KHDRBS3: variants seen among roughly 807,000 people sequenced by gnomAD.
The protein encoded by KHDRBS3 is KH RNA binding domain containing, signal transduction associated 3, also known as KH domain-containing, RNA-binding, signal transduction-associated protein 3.
In KHDRBS3, 23 loss-of-function variants were observed where a neutral mutation model predicts 45.6. The observed-to-expected ratio is 0.50, with a 90% CI of 0.36 to 0.72. KHDRBS3 has a LOEUF of 0.72. Among genes scored for constraint, KHDRBS3 ranks in the 30% least tolerant of loss-of-function variants. The probability of loss-of-function intolerance (pLI) is 0.00; values close to 1 mark genes in which losing one functional copy is unlikely to be tolerated. For missense variants in KHDRBS3, 352 were observed against 424.8 expected (o/e 0.83, Z 1.51); for synonymous variants, 162 against 156.5 (o/e 1.04, Z -0.26).
chr8:135,654,520 C>G (rs1831493065), intron 4 of KHDRBS3, among the ~76,000 whole-genome samples: 2 of 152,196 alleles, frequency 1.3e-5, no homozygotes, highest in African/African-American at 4.8e-5. Flanking sequence ...TTATACACAG[C>G]ATGGCGTCTG....
chr8:135,483,002 T>A (rs987818008), intron 1 of KHDRBS3, among the ~76,000 whole-genome samples: 21 of 152,220 alleles, frequency 1.4e-4, no homozygotes, highest in Non-Finnish European at 1.5e-4. Context: ...TAACAGGTAG[T>A]GCTTTGTTGT....
intron 7 of KHDRBS3, among the ~76,000 whole-genome samples, chr8:135,622,829 C>A (rs1830202934): frequency 6.6e-6 from 1 of 152,082 alleles, no homozygotes; most frequent in Non-Finnish European, 1.5e-5. Flanking sequence ...CTTGGGGAAT[C>A]AAAAACAGAA....
At chr8:135,579,174 G>C (rs1050635221) in intron 5 of KHDRBS3, among the ~76,000 whole-genome samples, 3 of 152,106 alleles carry the variant, frequency 2.0e-5, no homozygotes, top group Non-Finnish European at 2.9e-5. Flanking sequence ...TTCAAAATCT[G>C]TATGAGTTTT....
chr8:135,524,597 CTTCAA>C (rs777895579), intron 2 of KHDRBS3, among the ~76,000 whole-genome samples: 9 of 151,730 alleles, frequency 5.9e-5, no homozygotes, highest in African/African-American at 1.9e-4. Flanking sequence ...TCAGTTACTA[CTTCAA>C]TTCTTTTTCT....
chr8:135,485,842 T>TTTTATATATATATATATATATATATA (rs908619744), intron 1 of KHDRBS3, among the ~76,000 whole-genome samples: 1 of 120,346 alleles, frequency 8.3e-6, no homozygotes, highest in South Asian at 2.5e-4. Context: ...CATTTCAAGT[T>TTTTATATATATATATATATATATATA]TATATATATA....
intron 5 of KHDRBS3, among the ~76,000 whole-genome samples, chr8:135,564,461 A>C (rs1313433752): frequency 6.6e-6 from 1 of 152,232 alleles, no homozygotes; most frequent in East Asian, 1.9e-4. Context: ...TTGAGAAATA[A>C]ATATGTAAGT....
At position 135,481,162 on chromosome 8, in the gene KHDRBS3, C is replaced by T. The variant is rs549871540; in HGVS notation, c.88+23208C>T. On this transcript the variant is annotated intron_variant, in intron 1 of 8. Transcript: ENST00000355849. ...CCTGTCCAGTCTTATTTCTGCCACT[C>T]CTCTCTTTGACCCTGAGGTTACAAT... Among the ~76,000 whole-genome samples the T allele has an allele frequency of 4.0e-5, 6 of 149,678 alleles. No homozygotes were observed. In the Middle Eastern group the frequency reaches 0.014, roughly 356 times the overall value.
chr8:135,491,281 A>G (rs1232498452), intron 1 of KHDRBS3, among the ~76,000 whole-genome samples: 1 of 152,052 alleles, frequency 6.6e-6, no homozygotes, highest in Non-Finnish European at 1.5e-5. Context: ...GTTACTTTTC[A>G]TGTCCCTAGA....
At chr8:135,613,754 G>A (rs1208800307) in intron 7 of KHDRBS3, among the ~76,000 whole-genome samples, 1 of 151,530 alleles carries the variant, frequency 6.6e-6, no homozygotes, top group Admixed American at 6.6e-5. Flanking sequence ...ACTGAGAGTC[G>A]GTAAGGTCAA....
At chr8:135,485,869 T>TATATATA (rs56114244) in intron 1 of KHDRBS3, among the ~76,000 whole-genome samples, 5 of 143,200 alleles carry the variant, frequency 3.5e-5, no homozygotes, top group African/African-American at 1.1e-4. Context: ...TATATATATA[T>TATATATA]TTTATTTTTC....
At chr8:135,611,568 G>A (rs1167190693) in intron 7 of KHDRBS3, among the ~76,000 whole-genome samples, 5 of 151,822 alleles carry the variant, frequency 3.3e-5, no homozygotes, top group Non-Finnish European at 5.9e-5. Context: ...GCTTGCAGAT[G>A]GCTGCCTTCT....
intron 1 of KHDRBS3, among the ~76,000 whole-genome samples, chr8:135,466,599 T>G (rs1821710527): frequency 6.6e-6 from 1 of 152,190 alleles, no homozygotes; most frequent in South Asian, 2.1e-4. Context: ...AAATCTGATT[T>G]GTATAAGAAA....
chr8:135,516,549 A>G (rs1461532410), intron 1 of KHDRBS3, among the ~76,000 whole-genome samples: 1 of 147,030 alleles, frequency 6.8e-6, no homozygotes, highest in African/African-American at 2.5e-5. Context: ...TGTGTATATA[A>G]GTAAACATTT....
At chr8:135,586,730 GT>G (rs1030295376) in intron 6 of KHDRBS3, among the ~76,000 whole-genome samples, 8 of 152,096 alleles carry the variant, frequency 5.3e-5, no homozygotes, top group African/African-American at 1.9e-4. Context: ...AGTGATAAAG[GT>G]TTGATTTCTA....
chr8:135,561,552 T>TC (rs57958462), intron 5 of KHDRBS3, among the ~76,000 whole-genome samples: 5 of 151,816 alleles, frequency 3.3e-5, no homozygotes, highest in South Asian at 4.2e-4. Flanking sequence ...TTTTTTTTTT[T>TC]CCCATTCCCT....
rs186397493 is a variant in KHDRBS3 at position 135,579,184 on chromosome 8, T to C, written c.612-2694T>C. 1.5e-3 allele frequency among the ~76,000 whole-genome samples: 235 copies of C among 152,338 alleles called. 2 individuals carry two copies. The highest frequency in any genetic ancestry group is 0.01 in the Middle Eastern group (3 of 294). On this transcript the variant is annotated intron_variant, in intron 5 of 8. Transcript: ENST00000355849. ...TTTTCTTCAAAATCTGTATGAGTTT[T>C]ATTTACTTTTCTTGTCCTATTGAAG... is the stretch of plus-strand genomic sequence containing the variant.
At chr8:135,636,169 TTGGC>T (rs1482714023) in intron 7 of KHDRBS3, among the ~76,000 whole-genome samples, 1 of 152,210 alleles carries the variant, frequency 6.6e-6, no homozygotes, top group Non-Finnish European at 1.5e-5. Context: ...AGGCAGCTAG[TTGGC>T]CTCACAATGT....
intron 7 of KHDRBS3, among the ~76,000 whole-genome samples, chr8:135,623,744 G>A (rs1274205956): frequency 1.3e-5 from 2 of 152,136 alleles, no homozygotes; most frequent in Non-Finnish European, 2.9e-5. Flanking sequence ...TTTGAACAAT[G>A]GCTAGTTACT....
At chr8:135,515,078 C>T (rs376384754) in intron 1 of KHDRBS3, among the ~76,000 whole-genome samples, 8 of 151,604 alleles carry the variant, frequency 5.3e-5, no homozygotes, top group African/African-American at 1.9e-4. Context: ...TTAAAGATTC[C>T]TTGTGGGGCT....
Sources: gnomAD v4.1 joint callset for allele counts (sites outside exome capture counted in the v4.1 genomes callset) on GRCh38, gnomAD v4.1.1 for gene constraint, MANE v1.5 for transcripts, NCBI Gene and HGNC (gene_info 2026-07-23, HGNC 2026-07-21) for gene names.